The following ANKS1B variants were observed in gnomAD, a reference collection of about 807,000 sequenced individuals.
ANKS1B encodes ankyrin repeat and sterile alpha motif domain containing 1B.
Under a neutral mutation model 148.3 loss-of-function variants are expected in ANKS1B, and 36 were observed. The observed-to-expected ratio is 0.24, with a 90% confidence interval of 0.19 to 0.32. ANKS1B has a LOEUF of 0.32. ANKS1B is among the 10% of genes least tolerant of loss of function. ANKS1B has a pLI of 1.00. For missense variants in ANKS1B, 1,157 were observed against 1,542.6 expected (o/e 0.75, Z 4.19); for synonymous variants, 542 against 560.8 (o/e 0.97, Z 0.47).
At chr12:99,948,337 A>G (rs186008154) in intron 1 of ANKS1B, among the ~76,000 whole-genome samples, 6 of 152,230 alleles carry the variant, frequency 3.9e-5, no homozygotes, top group Admixed American at 1.3e-4. Context: ...CATAGCAAAA[A>G]AAAAGAAGGA....
intron 12 of ANKS1B, among the ~76,000 whole-genome samples, chr12:99,386,489 GA>G (rs1003459861): frequency 9.6e-5 from 14 of 146,144 alleles, no homozygotes; most frequent in South Asian, 8.7e-4. Context: ...TTATGGGAAA[GA>G]AAAAAAAAAG....
intron 15 of ANKS1B, among the ~76,000 whole-genome samples, chr12:99,087,910 T>G (rs927418893): frequency 7.4e-6 from 1 of 134,814 alleles, no homozygotes; most frequent in Non-Finnish European, 1.6e-5. Flanking sequence ...CCTCTACACC[T>G]CCAATATGCT....
At position 98,943,998 on chromosome 12, in the gene ANKS1B, G is replaced by A. The variant is rs181333007; in HGVS notation, c.2778+109159C>T. 4.6e-5 allele frequency among the ~76,000 whole-genome samples: 7 copies of A among 152,222 alleles called. No individual in the cohort carries two copies. The East Asian group carries it at 1.2e-3, about 25-fold the overall frequency. On this transcript the variant is annotated intron_variant, in intron 17 of 26. Transcript: ENST00000683438. ...TCAGTCTATTAGTTCACACAAATGG[G>A]GGTTGTTTAAAAGAGCCTGGGCTGG...
intron 1 of ANKS1B, among the ~76,000 whole-genome samples, chr12:99,894,289 A>AAGGAAGGGAGGGAGGGAGGG (rs1421411161): frequency 4.4e-5 from 2 of 45,832 alleles, no homozygotes; most frequent in Non-Finnish European, 8.1e-5. Context: ...GGAAGGAAGG[A>AAGGAAGGGAGGGAGGGAGGG]AGGGAGGGAG....
At chr12:99,618,364 G>C (rs73143603) in intron 9 of ANKS1B, among the ~76,000 whole-genome samples, 2 of 152,080 alleles carry the variant, frequency 1.3e-5, no homozygotes, top group Non-Finnish European at 2.9e-5. Flanking sequence ...TCTATACTGC[G>C]TTTTTTCCCC....
At chr12:99,963,650 G>A (rs918411577) in intron 1 of ANKS1B, among the ~76,000 whole-genome samples, 8 of 152,122 alleles carry the variant, frequency 5.3e-5, no homozygotes, top group Admixed American at 2.0e-4. Flanking sequence ...CTTCCTGGAC[G>A]TTTCTTTGCT....
At chr12:99,205,041 C>T (rs1487627259) in intron 14 of ANKS1B, among the ~76,000 whole-genome samples, 1 of 152,120 alleles carries the variant, frequency 6.6e-6, no homozygotes, top group East Asian at 1.9e-4. Context: ...TTGGATACCA[C>T]TGAGCTCTTG....
intron 12 of ANKS1B, among the ~76,000 whole-genome samples, chr12:99,349,055 C>A (rs1769898925): frequency 1.3e-5 from 2 of 151,896 alleles, no homozygotes; most frequent in South Asian, 4.2e-4. Flanking sequence ...TGGGAGAGAC[C>A]TATATTAAAG....
At chr12:99,588,413 CT>C (rs57908824) in intron 9 of ANKS1B, among the ~76,000 whole-genome samples, 3 of 148,970 alleles carry the variant, frequency 2.0e-5, no homozygotes, top group East Asian at 2.0e-4. Context: ...AAAATGTAAT[CT>C]TTTTTTTTTG....
At chr12:99,625,293 CTATATGG>C (rs1440774447) in intron 9 of ANKS1B, among the ~76,000 whole-genome samples, 1 of 152,030 alleles carries the variant, frequency 6.6e-6, no homozygotes, top group Non-Finnish European at 1.5e-5. Context: ...GCTATGTTTA[CTATATGG>C]GTGATAGGAT....
At chr12:99,071,193 A>T (rs1434773213) in intron 16 of ANKS1B, among the ~76,000 whole-genome samples, 2 of 152,212 alleles carry the variant, frequency 1.3e-5, no homozygotes, top group Non-Finnish European at 1.5e-5. Context: ...AATCTTCTTG[A>T]AGGCAGATAC....
At chr12:99,366,921 G>C (rs772449507) in intron 12 of ANKS1B, among the ~76,000 whole-genome samples, 10 of 152,042 alleles carry the variant, frequency 6.6e-5, no homozygotes, top group Non-Finnish European at 1.0e-4. Flanking sequence ...TGAAAATATT[G>C]CAACTTATAT....
At chr12:99,553,892 C>T (rs1399453645) in intron 9 of ANKS1B, among the ~76,000 whole-genome samples, 1 of 152,176 alleles carries the variant, frequency 6.6e-6, no homozygotes, top group Non-Finnish European at 1.5e-5. Flanking sequence ...GCTTCAGTGA[C>T]TGGTTCAAGG....
At chr12:99,868,027 G>T (rs1565892517) in intron 1 of ANKS1B, among the ~76,000 whole-genome samples, 1 of 152,052 alleles carries the variant, frequency 6.6e-6, no homozygotes, top group East Asian at 1.9e-4. Context: ...AACAGGATGA[G>T]GGAGAAAAAT....
At chr12:99,454,315 A>G (rs1165630471) in intron 10 of ANKS1B, among the ~76,000 whole-genome samples, 1 of 152,250 alleles carries the variant, frequency 6.6e-6, no homozygotes, top group African/African-American at 2.4e-5. Flanking sequence ...TGCTACTTTC[A>G]TCTATAAAAA....
At chr12:98,797,361 T>C (rs1298659951) in intron 22 of ANKS1B, among the ~76,000 whole-genome samples, 1 of 152,214 alleles carries the variant, frequency 6.6e-6, no homozygotes, top group Admixed American at 6.5e-5. Flanking sequence ...CTGTGTGACC[T>C]TGAGCAAGTT....
intron 14 of ANKS1B, among the ~76,000 whole-genome samples, chr12:99,205,578 C>T (rs1471491103): frequency 1.3e-5 from 2 of 152,304 alleles, no homozygotes; most frequent in Non-Finnish European, 2.9e-5. Flanking sequence ...GTCTTCCTCA[C>T]GGAGCCCCAG....
intron 8 of ANKS1B, among the ~76,000 whole-genome samples, chr12:99,678,894 G>C (rs1385951350): frequency 1.3e-5 from 2 of 152,046 alleles, no homozygotes; most frequent in African/African-American, 2.4e-5. Flanking sequence ...AACAAGAGTA[G>C]TAGAGGTAAA....
At chr12:99,437,938 T>C (rs1288913912) in intron 11 of ANKS1B, among the ~76,000 whole-genome samples, 3 of 151,994 alleles carry the variant, frequency 2.0e-5, no homozygotes, top group Non-Finnish European at 2.9e-5. Flanking sequence ...TCTACATTCT[T>C]CACCTGAAGG....
Sources: allele counts gnomAD v4.1 joint callset (sites outside exome capture counted in the v4.1 genomes callset), GRCh38; gene constraint gnomAD v4.1.1; transcripts MANE v1.5; gene names NCBI Gene and HGNC (gene_info 2026-07-23, HGNC 2026-07-21).